The following GLIS3 variants were observed in gnomAD, a reference collection of about 807,000 sequenced individuals.
GLIS3 encodes the protein GLIS family zinc finger 3, also known as zinc finger protein GLIS3.
GLIS3 carries 53 observed loss-of-function variants against 78.6 expected under a neutral mutation model. The ratio of observed to expected loss-of-function variants is 0.67; its 90% CI spans 0.54 to 0.85. The LOEUF (loss-of-function observed/expected upper bound fraction) is 0.85. GLIS3 is among the 40% of genes least tolerant of loss of function. The pLI, the probability that GLIS3 is intolerant of heterozygous loss-of-function variation, is 0.00. For missense variants in GLIS3, 1,703 were observed against 1,231.1 expected (o/e 1.38, Z -5.74); for synonymous variants, 684 against 509.9 (o/e 1.34, Z -4.60).
chr9:3,991,752 G>A (rs538702727), intron 4 of GLIS3, among the ~76,000 whole-genome samples: 2 of 144,394 alleles, frequency 1.4e-5, no homozygotes, highest in Non-Finnish European at 1.5e-5. Context: ...GTGCAGTGGT[G>A]GGATCTCGGC....
chr9:4,328,992 C>T (rs954582070), intron 2 of GLIS3, among the ~76,000 whole-genome samples: 1 of 152,160 alleles, frequency 6.6e-6, no homozygotes, highest in Admixed American at 6.5e-5. Flanking sequence ...GTAGGTGCAC[C>T]AACAGCATTT....
chr9:3,930,628 C>G (rs895165557), intron 6 of GLIS3, among the ~76,000 whole-genome samples: 1 of 152,126 alleles, frequency 6.6e-6, no homozygotes, highest in Non-Finnish European at 1.5e-5. Flanking sequence ...CCTAGGTTAC[C>G]TTCTTAACTT....
chr9:4,259,529 G>A (rs1290736706), intron 2 of GLIS3, among the ~76,000 whole-genome samples: 1 of 152,112 alleles, frequency 6.6e-6, no homozygotes, highest in African/African-American at 2.4e-5. Flanking sequence ...CCAAGCTGTT[G>A]ACAACTCACT....
intron 2 of GLIS3, among the ~76,000 whole-genome samples, chr9:4,319,146 G>C (rs1817482599): frequency 1.3e-5 from 2 of 152,186 alleles, no homozygotes; most frequent in African/African-American, 2.4e-5. Flanking sequence ...AGTGATCTCA[G>C]CTGGATTCTG....
chr9:3,929,871 TTTA>T (rs988104435), intron 6 of GLIS3, among the ~76,000 whole-genome samples: 2 of 152,094 alleles, frequency 1.3e-5, no homozygotes, highest in African/African-American at 4.8e-5. Context: ...CCTTAAAAGG[TTTA>T]TTGTTTCTTT....
chr9:4,372,307 G>A, the GLIS3 span, among the ~76,000 whole-genome samples: 6 of 152,066 alleles, frequency 3.9e-5, no homozygotes, highest in East Asian at 9.6e-4. Context: ...TTTTAACCAG[G>A]TTGTATTAAT....
In GLIS3 at chr9:4,321,365, G is replaced by T. The variant is rs371102973; in HGVS notation, n.265-10837C>A. ...TGAACCCAGGAGGCGGAGCTTGCAG[G>T]GAGCCGAGATGGCGCCACTGCACTC... On this transcript the variant is annotated intron_variant and non_coding_transcript_variant, in intron 2 of 4. Coordinates refer to the GLIS3 transcript ENST00000471664. Among the ~76,000 whole-genome samples the T allele has an allele frequency of 9.3e-3, 1,101 of 118,668 alleles. 88 individuals carry two copies. The highest frequency in any genetic ancestry group is 1.0e-2 in the Non-Finnish European group (635 of 63,564). 77.9% of individuals were successfully genotyped at this position (118,668 alleles called of 152,430 possible).
At chr9:4,431,928 C>A in the GLIS3 span, among the ~76,000 whole-genome samples, 1 of 151,876 alleles carries the variant, frequency 6.6e-6, no homozygotes, top group South Asian at 2.1e-4. Flanking sequence ...TTTAACTCTG[C>A]CACTGTAGCA....
At chr9:4,136,428 G>A (rs1012956238) in intron 2 of GLIS3, among the ~76,000 whole-genome samples, 1 of 152,198 alleles carries the variant, frequency 6.6e-6, no homozygotes, top group Non-Finnish European at 1.5e-5. Context: ...CCACAGTCCA[G>A]TAAGCTTGGG....
chr9:4,222,192 T>C (rs897819175), intron 2 of GLIS3, among the ~76,000 whole-genome samples: 1 of 152,236 alleles, frequency 6.6e-6, no homozygotes, highest in African/African-American at 2.4e-5. Flanking sequence ...CTAAGTGCTG[T>C]ACAGCTATAG....
intron 1 of GLIS3, among the ~76,000 whole-genome samples, chr9:4,288,149 TGTGTCACCAGCCAG>T (rs1344495852): frequency 6.6e-6 from 1 of 152,216 alleles, no homozygotes; most frequent in African/African-American, 2.4e-5. Context: ...AGAACTCCTG[TGTGTCACCAGCCAG>T]TCTGTAAATC....
At chr9:4,472,881 A>G in the GLIS3 span, among the ~76,000 whole-genome samples, 3 of 152,216 alleles carry the variant, frequency 2.0e-5, no homozygotes, top group Non-Finnish European at 4.4e-5. Flanking sequence ...GAAGATAATT[A>G]TTGTAAAAAT....
chr9:4,243,308 G>C (rs1823494650), intron 2 of GLIS3, among the ~76,000 whole-genome samples: 1 of 152,174 alleles, frequency 6.6e-6, no homozygotes, highest in Non-Finnish European at 1.5e-5. Context: ...ATTGAGGTGA[G>C]AGGGTATCAA....
At chr9:4,481,373 A>T in the GLIS3 span, among the ~76,000 whole-genome samples, 1 of 152,026 alleles carries the variant, frequency 6.6e-6, no homozygotes, top group Non-Finnish European at 1.5e-5. Flanking sequence ...AATCCCAGCT[A>T]CTCAGGAGGC....
At position 4,262,286 on chromosome 9, in the gene GLIS3, C is replaced by G. The variant is rs193171857; in HGVS notation, c.388+23752G>C. Among the ~76,000 whole-genome samples the G allele has an allele frequency of 2.5e-3, 379 of 152,252 alleles. 2 individuals carry two copies. The highest frequency in any genetic ancestry group is 8.6e-3 in the African/African-American group (356 of 41,546). ...GGTAAAAATCCTCATTTGAGAGAAA[C>G]TGCACTGCTCACTGACACCCGCTAT... On this transcript the variant is annotated intron_variant, in intron 2 of 10. Coordinates refer to ENST00000381971, the MANE Select transcript of GLIS3 (RefSeq NM_001042413.2).
At position 4,261,754 on chromosome 9, in the gene GLIS3, G is replaced by C. The variant is rs1825548950; in HGVS notation, c.388+24284C>G. On this transcript the variant is annotated intron_variant, in intron 2 of 10. Transcript: ENST00000381971. ...CACTAAACGCAATTCCCATTTCAGA[G>C]AGTCTTTAAAGCAAGCGGCACTGCC... is the stretch of plus-strand genomic sequence containing the variant. Among the ~76,000 whole-genome samples, 4 of 152,294 alleles carry C rather than the reference G, an allele frequency of 2.6e-5. No individual in the cohort carries two copies. In the South Asian group the frequency reaches 6.2e-4, roughly 24 times the overall value.
intron 2 of GLIS3, among the ~76,000 whole-genome samples, chr9:4,182,104 C>T (rs1193891335): frequency 6.6e-6 from 1 of 152,166 alleles, no homozygotes; most frequent in Non-Finnish European, 1.5e-5. Context: ...AACGAGAAGA[C>T]AAGCAAAGAA....
chr9:3,893,864 T>C (rs1480069282), intron 7 of GLIS3, among the ~76,000 whole-genome samples: 2 of 152,194 alleles, frequency 1.3e-5, no homozygotes, highest in Non-Finnish European at 2.9e-5. Context: ...GGTGATTTGA[T>C]GCATACTGAA....
At chr9:4,142,320 T>C (rs1422826123) in intron 2 of GLIS3, among the ~76,000 whole-genome samples, 1 of 152,190 alleles carries the variant, frequency 6.6e-6, no homozygotes, top group African/African-American at 2.4e-5. Context: ...CCCTGAATAA[T>C]ATACAAAGTC....
Sources: gnomAD v4.1 joint callset for allele counts (sites outside exome capture counted in the v4.1 genomes callset) on GRCh38, gnomAD v4.1.1 for gene constraint, MANE v1.5 for transcripts, NCBI Gene and HGNC (gene_info 2026-07-23, HGNC 2026-07-21) for gene names.